ABCA9: variants seen among roughly 807,000 people sequenced by gnomAD.
The protein encoded by ABCA9 is ATP-binding cassette sub-family A member 9.
ABCA9 carries 183 observed loss-of-function variants against 205.3 expected under a neutral mutation model. The ratio of observed to expected loss-of-function variants is 0.89; its 90% confidence interval spans 0.79 to 1.01. The LOEUF (loss-of-function observed/expected upper bound fraction) is 1.01, where lower values mean the gene tolerates loss of function less well. Among genes scored for constraint, ABCA9 ranks in the 50% least tolerant of loss-of-function variants. The pLI is 0.00. For synonymous variants in ABCA9, 651 were observed against 683.3 expected (o/e 0.95, Z 0.74); for missense variants, 1,805 against 1,912.4 (o/e 0.94, Z 1.05).
intron 23 of ABCA9, among the ~76,000 whole-genome samples, chr17:69,008,952 A>T (rs1279223780): frequency 6.6e-6 from 1 of 152,240 alleles, no homozygotes. Context: ...ATATAAGGAG[A>T]TTCATTAGCA....
At position 69,024,130 on chromosome 17, in the gene ABCA9, T is replaced by C; in HGVS notation, c.2281+84A>G. Reference sequence around the variant, plus strand: ...ATTGTGCCATTCATCTAGCAAGCATTAAAACTAGCCATCATTCTTATCACC... The same window carrying C: ...ATTGTGCCATTCATCTAGCAAGCATCAAAACTAGCCATCATTCTTATCACC... On this transcript the variant is annotated intron_variant, in intron 17 of 38. Coordinates refer to ENST00000340001, the MANE Select transcript of ABCA9 (RefSeq NM_080283.4). 4.1e-6 allele frequency: 6 copies of C among 1,459,066 alleles called. No homozygotes were observed. In the South Asian group the frequency reaches 7.4e-5, roughly 18 times the overall value. 90.4% of individuals were successfully genotyped at this position (1,459,066 alleles called of 1,614,324 possible).
At chr17:69,044,166 T>G (rs563839015) in intron 5 of ABCA9, among the ~76,000 whole-genome samples, 16 of 152,288 alleles carry the variant, frequency 1.1e-4, no homozygotes, top group African/African-American at 3.8e-4. Context: ...GAATAGCCAC[T>G]GCATTCCAGC....
At chr17:68,984,360 C>T (rs956274120) in intron 34 of ABCA9, among the ~76,000 whole-genome samples, 185 bp from the exon 35 acceptor site, 3 of 151,910 alleles carry the variant, frequency 2.0e-5, no homozygotes, top group Non-Finnish European at 4.4e-5. Context: ...TAATTCAGAA[C>T]GTAGAAAATG....
chr17:69,029,307 C>T, intron 10 of ABCA9, 80 bp from the exon 11 acceptor site: 1 of 778,476 alleles, frequency 1.3e-6, no homozygotes, highest in Non-Finnish European at 2.0e-6. Context: ...GAGGCTTAAT[C>T]AAAGCCTCAA....
chr17:69,026,600 C>T (rs192233487), intron 15 of ABCA9, 133 bp from the exon 16 acceptor site: 252 of 776,192 alleles, frequency 3.2e-4, no homozygotes, highest in Admixed American at 9.2e-4. Flanking sequence ...TCTGGCCATA[C>T]GTAAACCACT....
intron 4 of ABCA9, 42 bp downstream of exon 4, chr17:69,045,130 G>A (rs369121756): frequency 1.8e-4 from 281 of 1,576,556 alleles, no homozygotes; most frequent in Admixed American, 3.4e-5. Flanking sequence ...TGTGGCTACT[G>A]ATACAATAGC....
chr17:69,028,541 T>C lies in ABCA9; in HGVS notation c.1609A>G (p.Thr537Ala). 1 of 1,592,754 alleles carries C rather than the reference T, an allele frequency of 6.3e-7. No homozygotes were observed. The highest frequency in any genetic ancestry group is 8.6e-7 in the Non-Finnish European group (1 of 1,165,450). ...LNILSGLSVPTSGSVTVYNHT... is the reference protein window; with the variant it reads ...LNILSGLSVPASGSVTVYNHT... ...TGGATAACTGTCTTCTTACCTGATG[T>C]TGGAACTGACAACCCACTAAGTATG... The change falls in exon 12 of 39, where the codon ACA becomes GCA. Residue 537 changes from threonine (T) to alanine (A), a missense_variant. Physicochemically the swap from Thr to Ala is moderately conservative, Grantham distance 58. Transcript: ENST00000340001.
chr17:68,989,439 AC>A (rs1254148522), intron 30 of ABCA9, among the ~76,000 whole-genome samples: 1 of 151,894 alleles, frequency 6.6e-6, no homozygotes, highest in Admixed American at 6.6e-5. Context: ...TGTTGTACGA[AC>A]CCCCCACTTT....
In ABCA9 at chr17:68,993,679, C is replaced by T. The variant is rs138489668; in HGVS notation, c.3556-595G>A. 2.5e-3 allele frequency among the ~76,000 whole-genome samples: 382 copies of T among 152,302 alleles called. 3 individuals carry two copies. The highest frequency in any genetic ancestry group is 0.01 in the East Asian group (54 of 5,190). On this transcript the variant is annotated intron_variant, in intron 26 of 38. Transcript: ENST00000340001. ...AACAAGTTTCCTGAGCAATTTTAAA[C>T]GCTTTGCAGTAGATTTCTAACTATC...
chr17:69,028,055 A>G (rs564688757), intron 12 of ABCA9, among the ~76,000 whole-genome samples: 24 of 152,338 alleles, frequency 1.6e-4, no homozygotes, highest in Admixed American at 1.6e-3. Flanking sequence ...AAACACGAAC[A>G]ACATTTTTCT....
At position 69,023,882 on chromosome 17, in the gene ABCA9, T is replaced by C. The variant is rs1441633705; in HGVS notation, c.2281+332A>G. ...TAGTCTGCCACTGTATTTATATACCTGTTCCTGCCCTGACCACACTCTCTC... is the reference window on the plus strand; with the variant it reads ...TAGTCTGCCACTGTATTTATATACCCGTTCCTGCCCTGACCACACTCTCTC... On this transcript the variant is annotated intron_variant, in intron 17 of 38. Transcript: ENST00000340001. The surrounding 1 kb of genome is among the most constrained non-coding windows in gnomAD (Gnocchi z 4.2). 6.6e-6 allele frequency among the ~76,000 whole-genome samples: 1 copy of C among 152,194 alleles called. No homozygotes were observed. Among genetic ancestry groups the C allele is most frequent in the Non-Finnish European group, 1.5e-5 (1 of 68,014 alleles).
the ABCA9 span, among the ~76,000 whole-genome samples, chr17:69,074,942 T>C: frequency 2.0e-5 from 3 of 152,212 alleles, no homozygotes; most frequent in African/African-American, 7.2e-5. Context: ...ATAACAATTC[T>C]GTCTGGTATA....
In ABCA9 at chr17:69,024,240, G is replaced by A; in HGVS notation, c.2255C>T (p.Pro752Leu). ...QSEEKLVYILPLERTNKFPEL... is the reference protein window; with the variant it reads ...QSEEKLVYILLLERTNKFPEL... ...TGGAAATTTGTTTGTCCTTTCCAAA[G>A]GCAAAATATATACAAGTTTTTCTTC... is the stretch of plus-strand genomic sequence containing the variant. Residue 752 changes from proline (P) to leucine (L), a missense_variant, in exon 17 of 39, where the codon CCT (proline) becomes CTT (leucine). Physicochemically the swap from Pro to Leu is moderately conservative, Grantham distance 98. Coordinates refer to ENST00000340001, the MANE Select transcript of ABCA9 (RefSeq NM_080283.4). The A allele has an allele frequency of 6.2e-7, 1 of 1,612,656 alleles. No homozygotes were observed. Among genetic ancestry groups the A allele is most frequent in the Non-Finnish European group, 8.5e-7 (1 of 1,179,400 alleles).
chr17:69,022,093 GT>G (rs1339763504), intron 17 of ABCA9: 4 of 231,970 alleles, frequency 1.7e-5, no homozygotes, highest in Admixed American at 1.1e-4. Flanking sequence ...CTACCTATGT[GT>G]TTTTTGAAAA....
Position 69,035,208 on chromosome 17 carries a change from CG to C in ABCA9, c.1128+37del, listed in dbSNP as rs780647232. On this transcript the variant is annotated intron_variant, in intron 8 of 38. Coordinates refer to ENST00000340001, the MANE Select transcript of ABCA9 (RefSeq NM_080283.4). ...TTATTAAGAGGGAATCTGTGTAGAA[CG>C]GTTTGTAAAAAGTGAAAGTGTTACC... is the stretch of plus-strand genomic sequence containing the variant. 5 of 1,440,810 alleles carry C rather than the reference CG, an allele frequency of 3.5e-6. No homozygotes were observed. In the African/African-American group the frequency reaches 4.3e-5, roughly 12 times the overall value. The allele number at this position is 1,440,810 out of a possible 1,614,324, so 89.3% of individuals were successfully genotyped here.
In ABCA9 at chr17:69,060,887, A is replaced by G; in HGVS notation, c.-35T>C. The G allele has an allele frequency of 1.0e-6, 1 of 985,444 alleles. No individual in the cohort carries two copies. The highest frequency in any genetic ancestry group is 4.7e-5 in the South Asian group (1 of 21,286). 61.0% of individuals were successfully genotyped at this position (985,444 alleles called of 1,614,324 possible). A position where few individuals can be genotyped will look rare whatever the true frequency, so the allele number is the denominator to read the frequency against. On this transcript the variant is annotated 5_prime_UTR_variant, in exon 1 of 39. Coordinates refer to ENST00000340001, the MANE Select transcript of ABCA9 (RefSeq NM_080283.4). ...TTACTCTCAGGAAAGCTGGAGGAAA[A>G]ATCTAGAAACACAGTTCATCCATGG... is the stretch of plus-strand genomic sequence containing the variant.
chr17:68,979,696 T>C (rs2068987048), intron 37 of ABCA9, among the ~76,000 whole-genome samples: 1 of 152,188 alleles, frequency 6.6e-6, no homozygotes, highest in African/African-American at 2.4e-5. Context: ...TGATTCCTTA[T>C]TTAATAAATG....
chr17:69,033,884 AAGAT>A lies in ABCA9; in HGVS notation c.1129-15_1129-12del. ...GTCCAAATGTATAAGCTGAAAAAGAAAGATACAGTGAATTTTAAAAGAATTAATA... is the reference window on the plus strand; with the variant it reads ...GTCCAAATGTATAAGCTGAAAAAGAAACAGTGAATTTTAAAAGAATTAATA... On this transcript the variant is annotated splice_polypyrimidine_tract_variant and intron_variant, in intron 8 of 38. Transcript: ENST00000340001. 1 of 1,567,766 alleles carries A rather than the reference AAGAT, an allele frequency of 6.4e-7. No homozygotes were observed. Among genetic ancestry groups the A allele is most frequent in the Non-Finnish European group, 8.7e-7 (1 of 1,150,814 alleles).
At chr17:69,037,804 AATAG>A (rs1338867826) in intron 6 of ABCA9, among the ~76,000 whole-genome samples, 1 of 152,164 alleles carries the variant, frequency 6.6e-6, no homozygotes, top group Non-Finnish European at 1.5e-5. Flanking sequence ...AGATTAACAA[AATAG>A]ATAGACTTCT....
Sources: allele counts gnomAD v4.1 joint callset (sites outside exome capture counted in the v4.1 genomes callset), GRCh38; gene constraint gnomAD v4.1.1; non-coding constraint Gnocchi (gnomAD v3.1); transcripts MANE v1.5; gene names NCBI Gene and HGNC (gene_info 2026-07-23, HGNC 2026-07-21).